Variants in SLC25A17 observed in about 807,000 individuals in gnomAD.
The protein encoded by SLC25A17 is peroxisomal membrane protein PMP34.
SLC25A17 carries 26 observed loss-of-function variants against 38.5 expected under a neutral mutation model. That is an observed-to-expected ratio of 0.68 (90% CI 0.50 to 0.94). SLC25A17 has a LOEUF of 0.94. SLC25A17 is among the 40% of genes least tolerant of loss of function. The probability of loss-of-function intolerance (pLI) is 0.00; values close to 1 mark genes in which losing one functional copy is unlikely to be tolerated. For synonymous variants in SLC25A17, 139 were observed against 136.2 expected (o/e 1.02, Z -0.14); for missense variants, 333 against 372.7 (o/e 0.89, Z 0.88).
In SLC25A17 at chr22:40,779,053, A is replaced by C. The variant is rs746143434; in HGVS notation, c.407T>G (p.Phe136Cys). The change falls in exon 5 of 9, where the codon TTT becomes TGT. Residue 136 changes from phenylalanine (F) to cysteine (C), a missense_variant. Coordinates refer to ENST00000435456, the MANE Select transcript of SLC25A17 (RefSeq NM_006358.4). Reference protein sequence around the residue: ...NTRLKLQGAKFRNEDIVPTNY... With the variant: ...NTRLKLQGAKCRNEDIVPTNY... Reference sequence around the variant, plus strand: ...TGTTGGTACAATGTCTTCATTCCTAAATTTTGCTCCTTGAAGCTTCAGTCT... The same window carrying C: ...TGTTGGTACAATGTCTTCATTCCTACATTTTGCTCCTTGAAGCTTCAGTCT... The C allele has an allele frequency of 6.2e-7, 1 of 1,614,194 alleles. No individual in the cohort carries two copies. Among genetic ancestry groups the C allele is most frequent in the Non-Finnish European group, 8.5e-7 (1 of 1,180,034 alleles).
chr22:40,797,012 A>T (rs910643045), intron 2 of SLC25A17, among the ~76,000 whole-genome samples: 2 of 152,198 alleles, frequency 1.3e-5, no homozygotes, highest in African/African-American at 4.8e-5. Context: ...TAAAAAAGGG[A>T]GAAAATTAAG....
chr22:40,794,588 A>G lies in SLC25A17; in HGVS notation c.116-8T>C. 2.5e-6 allele frequency: 4 copies of G among 1,588,890 alleles called. No homozygotes were observed. The South Asian group carries it at 4.4e-5, about 18-fold the overall frequency. ...ATTTTCTTTTCTCATCAACTACAAGACCAAACAGTGCATGTTTATTTTATT... is the reference window on the plus strand; with the variant it reads ...ATTTTCTTTTCTCATCAACTACAAGGCCAAACAGTGCATGTTTATTTTATT... On this transcript the variant is annotated splice_region_variant and splice_polypyrimidine_tract_variant and intron_variant, in intron 2 of 8. Transcript: ENST00000435456.
intron 1 of SLC25A17, among the ~76,000 whole-genome samples, chr22:40,816,589 T>G (rs2057641924): frequency 6.7e-6 from 1 of 149,594 alleles, no homozygotes; most frequent in African/African-American, 2.5e-5. Context: ...TATTTTTTAT[T>G]TATTCATTTA....
intron 1 of SLC25A17, among the ~76,000 whole-genome samples, chr22:40,810,183 C>T (rs573302634): frequency 1.3e-5 from 2 of 152,116 alleles, no homozygotes; most frequent in Non-Finnish European, 2.9e-5. Flanking sequence ...CCCTTGGAAT[C>T]TCCAGAGTGC....
In SLC25A17 at chr22:40,809,964, T is replaced by A. The variant is rs573690996; in HGVS notation, c.54+9231A>T. ...ATTATATAGGATATTAATTATATCC[T>A]ACAATTAATGTCTTACAGATGATCA... On this transcript the variant is annotated intron_variant, in intron 1 of 8. Coordinates refer to ENST00000435456, the MANE Select transcript of SLC25A17 (RefSeq NM_006358.4). 4.6e-5 allele frequency among the ~76,000 whole-genome samples: 7 copies of A among 152,342 alleles called. No homozygotes were observed. In the East Asian group the frequency reaches 1.3e-3, roughly 29 times the overall value.
intron 4 of SLC25A17, among the ~76,000 whole-genome samples, chr22:40,787,739 GACA>G (rs573166990): frequency 1.1e-4 from 17 of 150,638 alleles, no homozygotes; most frequent in Admixed American, 2.6e-4. Context: ...TACTGTCTTC[GACA>G]ACAACAACAA....
intron 3 of SLC25A17, among the ~76,000 whole-genome samples, chr22:40,793,872 A>C (rs1205945706): frequency 6.6e-6 from 1 of 152,122 alleles, no homozygotes; most frequent in Admixed American, 6.5e-5. Flanking sequence ...CGGCCTCCCA[A>C]AGTGCTAGGA....
chr22:40,773,285 C>T (rs2057204242), intron 8 of SLC25A17, among the ~76,000 whole-genome samples: 1 of 152,058 alleles, frequency 6.6e-6, no homozygotes, highest in South Asian at 2.1e-4. Context: ...TGGCAGGCGC[C>T]TGTAGTCCCA....
chr22:40,787,704 T>A (rs1264336135), intron 4 of SLC25A17, among the ~76,000 whole-genome samples: 2 of 152,136 alleles, frequency 1.3e-5, no homozygotes, highest in Admixed American at 6.5e-5. Flanking sequence ...CTTCTTTTTT[T>A]TTTAGACTTG....
At chr22:40,773,528 CATT>C (rs1291590453) in intron 8 of SLC25A17, among the ~76,000 whole-genome samples, 1 of 151,730 alleles carries the variant, frequency 6.6e-6, no homozygotes, top group Non-Finnish European at 1.5e-5. Context: ...CCACCATCAT[CATT>C]ATCATCATCA....
At chr22:40,783,849 G>A (rs1468501429) in intron 4 of SLC25A17, among the ~76,000 whole-genome samples, 1 of 152,120 alleles carries the variant, frequency 6.6e-6, no homozygotes, top group African/African-American at 2.4e-5. Flanking sequence ...GGGATGATAG[G>A]TGCCCGCTAC....
rs376900871 is a variant in SLC25A17 at position 40,792,565 on chromosome 22, A to G, written c.294T>C (p.His98=). ...SLKALWVKGQ[H]STTGKDLVVG... ...CTACCAGATCTTTTCCAGTGGTAGA[A>G]TGTTGACCTTTGACCCAGAGTGCTT... The change falls in exon 4 of 9, where the codon CAT becomes CAC. Residue 98 remains histidine, a synonymous_variant. Transcript: ENST00000435456. 1 of 1,613,910 alleles carries G rather than the reference A, an allele frequency of 6.2e-7. No individual in the cohort carries two copies. Among genetic ancestry groups the G allele is most frequent in the Non-Finnish European group, 8.5e-7 (1 of 1,179,880 alleles).
In SLC25A17 at chr22:40,789,700, G is replaced by A. The variant is rs2057368414; in HGVS notation, c.334+2825C>T. Reference sequence around the variant, plus strand: ...TTTTTGTATTTTCAGTAAAGGTGGGGTTTCACCATGTAGGCTAGGCTGTTC... The same window carrying A: ...TTTTTGTATTTTCAGTAAAGGTGGGATTTCACCATGTAGGCTAGGCTGTTC... On this transcript the variant is annotated intron_variant, in intron 4 of 8. Coordinates refer to ENST00000435456, the MANE Select transcript of SLC25A17 (RefSeq NM_006358.4). The surrounding 1 kb of genome is among the most constrained non-coding windows in gnomAD (Gnocchi z 4.5). 6.6e-6 allele frequency among the ~76,000 whole-genome samples: 1 copy of A among 151,740 alleles called. No individual in the cohort carries two copies. The highest frequency in any genetic ancestry group is 2.4e-5 in the African/African-American group (1 of 41,310).
chr22:40,813,225 T>C (rs1281581215), intron 1 of SLC25A17, among the ~76,000 whole-genome samples: 1 of 152,108 alleles, frequency 6.6e-6, no homozygotes, highest in East Asian at 1.9e-4. Flanking sequence ...TCAAGGTTGC[T>C]ATGAGAAGTT....
chr22:40,797,431 T>A, intron 2 of SLC25A17: 1 of 538,468 alleles, frequency 1.9e-6, no homozygotes, highest in Non-Finnish European at 3.4e-6. Context: ...AGCAATGGCA[T>A]TGAGTATGTG....
intron 1 of SLC25A17, among the ~76,000 whole-genome samples, 178 bp downstream of exon 1, chr22:40,819,017 C>T (rs2057669468): frequency 6.6e-6 from 1 of 152,156 alleles, no homozygotes; most frequent in Admixed American, 6.5e-5. Flanking sequence ...CGGCCCTTAC[C>T]CCGAATTCCT....
chr22:40,796,598 TAA>T (rs2057432264), intron 2 of SLC25A17, among the ~76,000 whole-genome samples: 1 of 144,894 alleles, frequency 6.9e-6, no homozygotes, highest in African/African-American at 2.6e-5. Flanking sequence ...CCAACCTGGG[TAA>T]GAGAGACTCT....
intron 8 of SLC25A17, among the ~76,000 whole-genome samples, chr22:40,772,840 C>A (rs2057199089): frequency 6.6e-6 from 1 of 152,022 alleles, no homozygotes; most frequent in African/African-American, 2.4e-5. Context: ...GGTCTCACTA[C>A]TTTGCCCAGG....
chr22:40,782,364 A>G (rs2145657757), intron 4 of SLC25A17, among the ~76,000 whole-genome samples: 1 of 152,350 alleles, frequency 6.6e-6, no homozygotes, highest in Middle Eastern at 3.4e-3. Flanking sequence ...TCTAATGTCT[A>G]TAATTCTATT....
Sources: gnomAD v4.1 joint callset for allele counts (sites outside exome capture counted in the v4.1 genomes callset) on GRCh38, gnomAD v4.1.1 for gene constraint, Gnocchi (gnomAD v3.1) non-coding constraint, MANE v1.5 for transcripts, NCBI Gene and HGNC (gene_info 2026-07-23, HGNC 2026-07-21) for gene names.